EXD3: variants seen among roughly 807,000 people sequenced by gnomAD.
The protein encoded by EXD3 is exonuclease 3'-5' domain containing 3, also known as exonuclease mut-7 homolog.
EXD3 carries 92 observed loss-of-function variants against 98.0 expected under a neutral mutation model. The observed-to-expected ratio is 0.94, with a 90% confidence interval of 0.79 to 1.12. EXD3 has a LOEUF of 1.12. EXD3 is among the 50% of genes most tolerant of loss of function. The pLI is 0.00. For missense variants in EXD3, 1,222 were observed against 1,191.6 expected, an observed-to-expected ratio of 1.03 and a Z score of -0.38; for synonymous variants, 569 against 526.0, an observed-to-expected ratio of 1.08 and a Z score of -1.12.
At chr9:137,391,566 G>GCCCCA (rs1379763547) in intron 2 of EXD3, among the ~76,000 whole-genome samples, 138 of 124,514 alleles carry the variant, frequency 1.1e-3, no homozygotes, top group African/African-American at 3.7e-3. Context: ...CGGCCTCCCC[G>GCCCCA]CCCCACCCCA....
rs983122806 is a variant in EXD3, at chr9:137,308,881, G to A, written c.2278+726C>T. Among the ~76,000 whole-genome samples, 5 of 152,110 alleles carry A rather than the reference G, an allele frequency of 3.3e-5. 1 individual carries two copies. Among genetic ancestry groups the A allele is most frequent in the African/African-American group, 9.7e-5 (4 of 41,424 alleles). ...GAGATGGTCTCAATCTCCTGATCTT[G>A]TGATCTGCCCGCCTCGGCCTCCCAA... On this transcript the variant is annotated intron_variant, in intron 20 of 21. Transcript: ENST00000340951.
chr9:137,419,970 T>G (rs1390985222), intron 1 of EXD3, among the ~76,000 whole-genome samples: 4 of 151,950 alleles, frequency 2.6e-5, no homozygotes, highest in African/African-American at 4.8e-5. Flanking sequence ...CCATCCTGGC[T>G]AATACGGTGA....
rs999187674 is a variant in EXD3 at position 137,366,476 on chromosome 9, C to A, written c.656+17G>T. 1.1e-5 allele frequency: 17 copies of A among 1,539,660 alleles called. No homozygotes were observed. In the Middle Eastern group the frequency reaches 1.8e-3, roughly 167 times the overall value. On this transcript the variant is annotated intron_variant, in intron 7 of 21. Coordinates refer to ENST00000340951, the MANE Select transcript of EXD3 (RefSeq NM_017820.5). The stretch of plus-strand genomic sequence containing the variant: ...GATGCCATCTGGTGCCAGCTGCCAG[C>A]GCCCCACGGGACTCACCTGGCAACG...
In EXD3 at chr9:137,395,734, C is replaced by G. The variant is rs1837187072; in HGVS notation, c.-47-330G>C. 2.0e-5 allele frequency among the ~76,000 whole-genome samples: 3 copies of G among 152,228 alleles called. No homozygotes were observed. Among genetic ancestry groups the G allele is most frequent in the Admixed American group, 2.0e-4 (3 of 15,304 alleles). On this transcript the variant is annotated intron_variant, in intron 1 of 21. Transcript: ENST00000340951. This position sits in a 1 kb window ranked among gnomAD's most constrained non-coding sequence, Gnocchi z 6.5. ...GGGCCTGTTCTTGAGGACAGCGTGA[C>G]CCCCCTTGCCATGTCCCCCTCAGGC...
intron 1 of EXD3, among the ~76,000 whole-genome samples, chr9:137,421,889 A>G (rs890303535): frequency 2.0e-5 from 3 of 152,216 alleles, no homozygotes; most frequent in African/African-American, 7.2e-5. Flanking sequence ...TAGTTTCTTC[A>G]TGTTTTTAGT....
chr9:137,419,433 G>A (rs1838399922), intron 1 of EXD3, among the ~76,000 whole-genome samples: 1 of 152,168 alleles, frequency 6.6e-6, no homozygotes, highest in African/African-American at 2.4e-5. Context: ...ACTTCGGGAG[G>A]CTGAGGCGGG....
Position 137,419,064 on chromosome 9 carries a change from C to T in EXD3, c.-48+4050G>A, listed in dbSNP as rs530131947. On this transcript the variant is annotated intron_variant, in intron 1 of 21. Transcript: ENST00000340951. ...ACTTGGATATAACAAATAGGAACCC[C>T]GAGAAGTCCAAGGGAGATGTACGAG... Among the ~76,000 whole-genome samples, 19 of 151,926 alleles carry T rather than the reference C, an allele frequency of 1.3e-4. No individual in the cohort carries two copies. The East Asian group carries it at 3.3e-3, about 26-fold the overall frequency.
chr9:137,331,442 G>A (rs927146848), intron 17 of EXD3, among the ~76,000 whole-genome samples: 1 of 151,986 alleles, frequency 6.6e-6, no homozygotes, highest in African/African-American at 2.4e-5. Context: ...AGAAAGAGAG[G>A]GCATCCAAAT....
chr9:137,406,602 C>A (rs1837725998), intron 1 of EXD3, among the ~76,000 whole-genome samples: 1 of 152,198 alleles, frequency 6.6e-6, no homozygotes. Flanking sequence ...ACCCCTCGAC[C>A]CCCAGACGGC....
chr9:137,394,200 T>A (rs1837091847), intron 2 of EXD3, among the ~76,000 whole-genome samples: 1 of 75,822 alleles, frequency 1.3e-5, no homozygotes, highest in Non-Finnish European at 2.9e-5. Flanking sequence ...CCTCCCAGCC[T>A]CCGCTTCCCT....
rs897026997 is a variant in EXD3, at chr9:137,407,281, C to A, written c.-47-11877G>T. The stretch of plus-strand genomic sequence containing the variant: ...TTTCCCACCAGGCCAGCGCTGCAGG[C>A]AGAGCCCAGCCCGGCGGCCGCGGCG... On this transcript the variant is annotated intron_variant, in intron 1 of 21. Transcript: ENST00000340951. The surrounding 1 kb of genome is among the most constrained non-coding windows in gnomAD (Gnocchi z 4.4). Among the ~76,000 whole-genome samples, 4 of 152,234 alleles carry A rather than the reference C, an allele frequency of 2.6e-5. No homozygotes were observed. Among genetic ancestry groups the A allele is most frequent in the Admixed American group, 2.6e-4 (4 of 15,292 alleles).
intron 10 of EXD3, 150 bp from the exon 11 acceptor site, chr9:137,352,936 C>G: frequency 7.0e-7 from 1 of 1,423,930 alleles, no homozygotes; most frequent in Non-Finnish European, 9.1e-7. Flanking sequence ...CCTGCAGCAT[C>G]TGTCCTGCCT....
In EXD3 at chr9:137,367,923, G is replaced by A; in HGVS notation, c.516+13C>T. ...GTTTGAACCTAAACAATTTACATGA[G>A]AAAGACGTTCACCTTTTCAACGCCA... On this transcript the variant is annotated intron_variant, in intron 6 of 21. Transcript: ENST00000340951. The A allele has an allele frequency of 6.2e-7, 1 of 1,611,632 alleles. No homozygotes were observed. Among genetic ancestry groups the A allele is most frequent in the Non-Finnish European group, 8.5e-7 (1 of 1,179,252 alleles).
chr9:137,363,530 G>A (rs1347188314), intron 7 of EXD3, among the ~76,000 whole-genome samples: 2 of 151,576 alleles, frequency 1.3e-5, no homozygotes, highest in African/African-American at 4.9e-5. Flanking sequence ...TAGAGACGGG[G>A]TTTCACCATG....
At chr9:137,394,917 G>A (rs952137806) in intron 2 of EXD3, among the ~76,000 whole-genome samples, 33 of 152,196 alleles carry the variant, frequency 2.2e-4, no homozygotes, top group Non-Finnish European at 3.2e-4. Context: ...CAGTGGCGGC[G>A]CTAAGCCCCC....
chr9:137,312,219 A>C (rs1277525689), intron 19 of EXD3, among the ~76,000 whole-genome samples: 1 of 149,244 alleles, frequency 6.7e-6, no homozygotes, highest in Non-Finnish European at 1.5e-5. Flanking sequence ...GTGCCTGGGC[A>C]CCTCCACCCC....
intron 1 of EXD3, among the ~76,000 whole-genome samples, chr9:137,399,930 C>T (rs888991887): frequency 4.0e-5 from 6 of 148,914 alleles, no homozygotes; most frequent in Admixed American, 1.4e-4. Context: ...ACTCAGGAGG[C>T]GGAGAAAGGC....
At chr9:137,400,045 A>AAAAAAAAAAAAAAAAAAAAAAG (rs1564209842) in intron 1 of EXD3, among the ~76,000 whole-genome samples, 1 of 149,800 alleles carries the variant, frequency 6.7e-6, no homozygotes, top group African/African-American at 2.5e-5. Context: ...AAAAAAAAAA[A>AAAAAAAAAAAAAAAAAAAAAAG]AAAGAAAATG....
At chr9:137,399,682 T>A (rs1337072611) in intron 1 of EXD3, among the ~76,000 whole-genome samples, 1 of 152,196 alleles carries the variant, frequency 6.6e-6, no homozygotes, top group Non-Finnish European at 1.5e-5. Flanking sequence ...TGGTTCCACA[T>A]GGCTGGGGAG....
Sources: allele counts gnomAD v4.1 joint callset (sites outside exome capture counted in the v4.1 genomes callset), GRCh38; gene constraint gnomAD v4.1.1; non-coding constraint Gnocchi (gnomAD v3.1); transcripts MANE v1.5; gene names NCBI Gene and HGNC (gene_info 2026-07-23, HGNC 2026-07-21).